RIMS2: variants seen among roughly 807,000 people sequenced by gnomAD.
RIMS2 encodes regulating synaptic membrane exocytosis protein 2.
In RIMS2, 59 loss-of-function variants were observed where a neutral mutation model predicts 174.4. The observed-to-expected ratio is 0.34, with a 90% CI of 0.27 to 0.42. RIMS2 has a LOEUF of 0.42. Ranked by LOEUF, RIMS2 falls within the 10% of genes least tolerant of loss-of-function variation. The probability of loss-of-function intolerance (pLI) is 1.00; values close to 1 mark genes in which losing one functional copy is unlikely to be tolerated. For missense variants in RIMS2, 1,620 were observed against 1,666.3 expected, an observed-to-expected ratio of 0.97 and a Z score of 0.48; for synonymous variants, 606 against 572.5, an observed-to-expected ratio of 1.06 and a Z score of -0.84.
intron 19 of RIMS2, among the ~76,000 whole-genome samples, chr8:104,146,659 G>A (rs1371490249): frequency 6.6e-6 from 1 of 152,116 alleles, no homozygotes; most frequent in Non-Finnish European, 1.5e-5. Flanking sequence ...GTAATTAGTA[G>A]ATTAGGTGGT....
intron 4 of RIMS2, among the ~76,000 whole-genome samples, chr8:103,908,245 G>A (rs2074925582): frequency 6.6e-6 from 1 of 151,956 alleles, no homozygotes; most frequent in African/African-American, 2.4e-5. Flanking sequence ...ACTTTACCAT[G>A]TTGGCCAGGA....
At chr8:103,768,965 C>A in intron 3 of RIMS2, 1 of 378,576 alleles carries the variant, frequency 2.6e-6, no homozygotes, top group South Asian at 2.7e-5. Context: ...GAACAAATTG[C>A]TAAGAAATGC....
At chr8:103,640,183 G>T (rs2096196251) in intron 1 of RIMS2, among the ~76,000 whole-genome samples, 1 of 151,786 alleles carries the variant, frequency 6.6e-6, no homozygotes, top group Admixed American at 6.6e-5. Context: ...TGGGATAGTT[G>T]TTCTTACTAT....
intron 19 of RIMS2, among the ~76,000 whole-genome samples, chr8:104,240,761 T>C (rs1252719094): frequency 6.6e-6 from 1 of 152,098 alleles, no homozygotes; most frequent in Non-Finnish European, 1.5e-5. Flanking sequence ...GAGAGGACAA[T>C]AGATAGAGCT....
intron 3 of RIMS2, among the ~76,000 whole-genome samples, chr8:103,833,485 A>G (rs1248844114): frequency 6.6e-6 from 1 of 150,802 alleles, no homozygotes. Context: ...CCTATTTTCT[A>G]TTTTTCTTTT....
At chr8:104,254,061 A>G (rs1234320136), downstream of RIMS2, 1 of 152,232 alleles carries the variant, frequency 6.6e-6, no homozygotes, top group African/African-American at 2.4e-5. Context: ...ATAAAGGTTT[A>G]TGATTTTCCT....
At chr8:103,928,751 C>T (rs947590471) in intron 11 of RIMS2, among the ~76,000 whole-genome samples, 1 of 151,070 alleles carries the variant, frequency 6.6e-6, no homozygotes, top group African/African-American at 2.4e-5. Context: ...TAGTTACATG[C>T]TAAAGCCAGA....
intron 3 of RIMS2, among the ~76,000 whole-genome samples, chr8:103,829,418 G>A (rs2098812136): frequency 6.6e-6 from 1 of 152,172 alleles, no homozygotes; most frequent in Non-Finnish European, 1.5e-5. Context: ...GCATGCATAT[G>A]TTAATTGCAG....
At chr8:104,171,770 T>C (rs772025817) in intron 19 of RIMS2, among the ~76,000 whole-genome samples, 1 of 152,178 alleles carries the variant, frequency 6.6e-6, no homozygotes, top group Non-Finnish European at 1.5e-5. Context: ...GGGTAAACTA[T>C]TTCTTGAAAT....
At chr8:104,183,595 T>A (rs1282031675) in intron 19 of RIMS2, among the ~76,000 whole-genome samples, 2 of 151,422 alleles carry the variant, frequency 1.3e-5, no homozygotes, top group Non-Finnish European at 3.0e-5. Flanking sequence ...GAAAATAAAC[T>A]TTGACTTTTT....
intron 3 of RIMS2, among the ~76,000 whole-genome samples, chr8:103,853,430 C>G (rs367799056): frequency 6.6e-6 from 1 of 151,884 alleles, no homozygotes; most frequent in Admixed American, 6.6e-5. Flanking sequence ...TGCAATTGCT[C>G]TTGGGGATTT....
At chr8:103,908,043 C>T (rs1157908595) in intron 4 of RIMS2, among the ~76,000 whole-genome samples, 3 of 148,444 alleles carry the variant, frequency 2.0e-5, no homozygotes, top group Non-Finnish European at 4.5e-5. Context: ...CCACCGCGCC[C>T]GGCCTTTGTT....
At chr8:104,153,916 T>A (rs1351654951) in intron 19 of RIMS2, among the ~76,000 whole-genome samples, 1 of 152,218 alleles carries the variant, frequency 6.6e-6, no homozygotes, top group African/African-American at 2.4e-5. Flanking sequence ...AATTTACCAT[T>A]GAATTTGGCA....
chr8:103,618,046 T>C (rs904604744), intron 1 of RIMS2, among the ~76,000 whole-genome samples: 1 of 152,184 alleles, frequency 6.6e-6, no homozygotes, highest in African/African-American at 2.4e-5. Context: ...CAAATGTTCA[T>C]TGTAGCATTG....
intron 1 of RIMS2, among the ~76,000 whole-genome samples, chr8:103,503,823 T>TAGTGA (rs1821895877): frequency 6.6e-6 from 1 of 152,000 alleles, no homozygotes; most frequent in African/African-American, 2.4e-5. Context: ...AATATGCATG[T>TAGTGA]AGTGAAAGAT....
intron 1 of RIMS2, among the ~76,000 whole-genome samples, chr8:103,534,292 ACAGATTTT>A (rs1838783321): frequency 6.6e-6 from 1 of 152,196 alleles, no homozygotes. Flanking sequence ...TCATTCCCAC[ACAGATTTT>A]CAGTTGATAT....
At chr8:103,624,809 C>T (rs2433252) in intron 1 of RIMS2, among the ~76,000 whole-genome samples, 53,846 of 151,942 alleles carry the variant, frequency 0.35, 10,271 homozygotes, top group East Asian at 0.77. Flanking sequence ...ATAAGTCTTA[C>T]GAGTGGTTTT....
chr8:103,955,740 G>C (rs1010317715), intron 14 of RIMS2, among the ~76,000 whole-genome samples: 1 of 152,258 alleles, frequency 6.6e-6, no homozygotes, highest in Non-Finnish European at 1.5e-5. Flanking sequence ...AGTATTGGAA[G>C]TTCTGGCCAG....
At chr8:104,034,462 CTTTTTTTTTTTTTT>C (rs200907072) in intron 19 of RIMS2, among the ~76,000 whole-genome samples, 19 of 118,362 alleles carry the variant, frequency 1.6e-4, no homozygotes, top group South Asian at 5.2e-4. Context: ...CTTGCAGTAT[CTTTTTTTTTTTTTT>C]TTTTTTTTTT....
Sources: allele counts gnomAD v4.1 joint callset (sites outside exome capture counted in the v4.1 genomes callset), GRCh38; gene constraint gnomAD v4.1.1; transcripts MANE v1.5; gene names NCBI Gene and HGNC (gene_info 2026-07-23, HGNC 2026-07-21).